CHSY3: variants seen among roughly 807,000 people sequenced by gnomAD.
CHSY3 encodes chondroitin sulfate synthase 3.
A neutral mutation model predicts 67.2 loss-of-function variants in CHSY3; 35 were observed. The observed-to-expected ratio is 0.52, with a 90% CI of 0.40 to 0.69. The LOEUF is 0.69. Among genes scored for constraint, CHSY3 ranks in the 30% least tolerant of loss-of-function variants. The pLI is 0.00. For missense variants in CHSY3, 1,069 were observed against 1,138.5 expected (o/e 0.94, Z 0.88); for synonymous variants, 474 against 434.7 (o/e 1.09, Z -1.12).
At chr5:130,124,953 G>T (rs1271165522) in intron 2 of CHSY3, among the ~76,000 whole-genome samples, 1 of 152,212 alleles carries the variant, frequency 6.6e-6, no homozygotes, top group Middle Eastern at 3.2e-3. Context: ...CTCAATGCCA[G>T]TAAAAATTCT....
rs574130620 is a variant in CHSY3 at position 130,100,294 on chromosome 5, C to T, written c.1087-83935C>T. On this transcript the variant is annotated intron_variant, in intron 2 of 2. Transcript: ENST00000305031. ...CTGCCTCCCGGGTTCATGCCATTCT[C>T]CTGACTCAGCCTCTCAAGTAGCTGG... Among the ~76,000 whole-genome samples, 5 of 152,084 alleles carry T rather than the reference C, an allele frequency of 3.3e-5. No homozygotes were observed. The East Asian group carries it at 9.7e-4, about 29-fold the overall frequency.
At chr5:130,028,420 A>G (rs1373829789) in intron 2 of CHSY3, among the ~76,000 whole-genome samples, 3 of 152,136 alleles carry the variant, frequency 2.0e-5, no homozygotes, top group Admixed American at 6.6e-5. Flanking sequence ...AGGATTCCCT[A>G]TTTAATAAAT....
chr5:130,087,250 C>G (rs1223556731), intron 2 of CHSY3, among the ~76,000 whole-genome samples: 2 of 152,140 alleles, frequency 1.3e-5, no homozygotes. Flanking sequence ...GACAAACCCA[C>G]AGCCAATATC....
intron 2 of CHSY3, among the ~76,000 whole-genome samples, chr5:129,954,383 C>A (rs1243441186): frequency 4.0e-5 from 6 of 151,758 alleles, no homozygotes; most frequent in Non-Finnish European, 5.9e-5. Context: ...ATTACTGTGG[C>A]CTTATAGTAT....
intron 2 of CHSY3, among the ~76,000 whole-genome samples, chr5:130,177,668 T>C (rs887157210): frequency 1.3e-5 from 2 of 152,152 alleles, no homozygotes; most frequent in African/African-American, 4.8e-5. Context: ...CCAGGAGGCA[T>C]CTAACATATC....
chr5:129,960,513 A>T (rs764043372), intron 2 of CHSY3, among the ~76,000 whole-genome samples: 1 of 152,036 alleles, frequency 6.6e-6, no homozygotes, highest in Non-Finnish European at 1.5e-5. Flanking sequence ...TGAGCCAGTC[A>T]TCATGCTACA....
intron 2 of CHSY3, among the ~76,000 whole-genome samples, chr5:130,015,072 G>T (rs1299348886): frequency 6.6e-6 from 1 of 152,166 alleles, no homozygotes; most frequent in Admixed American, 6.5e-5. Context: ...CTGGTAGGAG[G>T]TGATTGGATC....
At chr5:130,089,101 T>C (rs536829830) in intron 2 of CHSY3, among the ~76,000 whole-genome samples, 1 of 151,416 alleles carries the variant, frequency 6.6e-6, no homozygotes, top group African/African-American at 2.4e-5. Context: ...AAATCATCAT[T>C]CTCAGTAAAC....
intron 2 of CHSY3, among the ~76,000 whole-genome samples, chr5:130,068,032 T>C (rs1765939553): frequency 6.6e-6 from 1 of 152,198 alleles, no homozygotes; most frequent in Non-Finnish European, 1.5e-5. Context: ...GCTGTAAATA[T>C]GTATTACATG....
intron 2 of CHSY3, among the ~76,000 whole-genome samples, chr5:129,947,572 G>A (rs141257076): frequency 1.3e-3 from 198 of 151,322 alleles, no homozygotes; most frequent in African/African-American, 4.1e-3. Context: ...GCAGTGAGCC[G>A]AGAGTGCACC....
chr5:130,091,401 A>G (rs556221699), intron 2 of CHSY3, among the ~76,000 whole-genome samples: 2 of 152,304 alleles, frequency 1.3e-5, no homozygotes, highest in African/African-American at 4.8e-5. Context: ...TGGTAAAGAG[A>G]ATTCATCTTG....
intron 2 of CHSY3, among the ~76,000 whole-genome samples, chr5:129,953,347 T>TA (rs1762079666): frequency 6.6e-6 from 1 of 152,190 alleles, no homozygotes; most frequent in Admixed American, 6.6e-5. Flanking sequence ...CTGTGGTGTA[T>TA]ATGAGCCACA....
chr5:130,143,798 A>ATATGTG (rs1768974422), intron 2 of CHSY3, among the ~76,000 whole-genome samples: 1 of 89,246 alleles, frequency 1.1e-5, no homozygotes, highest in Non-Finnish European at 2.1e-5. Context: ...ATATATATAT[A>ATATGTG]TATATATGTG....
At chr5:130,178,206 TA>T (rs1770116696) in intron 2 of CHSY3, among the ~76,000 whole-genome samples, 1 of 128,916 alleles carries the variant, frequency 7.8e-6, no homozygotes, top group South Asian at 2.3e-4. Context: ...TATATTTATA[TA>T]TATATGTATA....
intron 2 of CHSY3, among the ~76,000 whole-genome samples, chr5:130,086,410 T>C (rs1766627663): frequency 6.6e-6 from 1 of 152,168 alleles, no homozygotes; most frequent in Non-Finnish European, 1.5e-5. Flanking sequence ...AAAGTCTGTT[T>C]TATCAGAGAC....
At chr5:130,015,824 A>G (rs1764203814) in intron 2 of CHSY3, among the ~76,000 whole-genome samples, 1 of 152,138 alleles carries the variant, frequency 6.6e-6, no homozygotes, top group Non-Finnish European at 1.5e-5. Flanking sequence ...AAAGACATAG[A>G]CTCAACCTTG....
At chr5:130,039,454 G>A (rs1301714642) in intron 2 of CHSY3, among the ~76,000 whole-genome samples, 1 of 150,328 alleles carries the variant, frequency 6.7e-6, no homozygotes, top group Non-Finnish European at 1.5e-5. Flanking sequence ...TCATGCCACT[G>A]CACTCTAGCC....
At chr5:130,101,504 A>G (rs1368911149) in intron 2 of CHSY3, among the ~76,000 whole-genome samples, 3 of 152,156 alleles carry the variant, frequency 2.0e-5, no homozygotes, top group African/African-American at 4.8e-5. Flanking sequence ...AGTGTATAAC[A>G]TAATATTTTG....
At chr5:130,132,285 G>C (rs1768506640) in intron 2 of CHSY3, among the ~76,000 whole-genome samples, 1 of 152,094 alleles carries the variant, frequency 6.6e-6, no homozygotes, top group African/African-American at 2.4e-5. Context: ...CTCTGAAAAA[G>C]CATGGTTATT....
Sources: gnomAD v4.1 joint callset for allele counts (sites outside exome capture counted in the v4.1 genomes callset) on GRCh38, gnomAD v4.1.1 for gene constraint, MANE v1.5 for transcripts, NCBI Gene and HGNC (gene_info 2026-07-23, HGNC 2026-07-21) for gene names.